Variants in ANK3 observed in about 807,000 individuals in gnomAD.
ANK3 encodes the protein ankyrin 3.
A neutral mutation model predicts 370.9 loss-of-function variants in ANK3; 57 were observed. The observed-to-expected ratio is 0.15, with a 90% CI of 0.12 to 0.19. ANK3 has a LOEUF of 0.19. Among genes scored for constraint, ANK3 ranks in the 10% least tolerant of loss-of-function variants. The pLI, the probability that ANK3 is intolerant of heterozygous loss-of-function variation, is 1.00. For missense variants in ANK3, 4,439 were observed against 5,302.1 expected (o/e 0.84, Z 5.06); for synonymous variants, 1,929 against 1,946.3 (o/e 0.99, Z 0.23).
intron 28 of ANK3, among the ~76,000 whole-genome samples, chr10:60,101,601 T>C (rs1194639756): frequency 1.3e-5 from 2 of 152,186 alleles, no homozygotes; most frequent in Non-Finnish European, 2.9e-5. Context: ...GTTAAAGTTG[T>C]TCTTGTTGCA....
Position 60,198,341 on chromosome 10 carries a change from TTTG to T in ANK3, c.1685_1687del (p.Thr562del). 1 of 1,614,164 alleles carries T rather than the reference TTTG, an allele frequency of 6.2e-7. No homozygotes were observed. The highest frequency in any genetic ancestry group is 8.5e-7 in the Non-Finnish European group (1 of 1,180,006). On this transcript the variant is annotated inframe_deletion and splice_region_variant, in exon 14 of 44. Coordinates refer to ENST00000280772, the MANE Select transcript of ANK3 (RefSeq NM_020987.5). ...GGATTCTGAGATTTGCTTTCATACCTTTGTTGTTATAGATAAAGACGCTCCATG... is the reference window on the plus strand; with the variant it reads ...GGATTCTGAGATTTGCTTTCATACCTTTGTTATAGATAAAGACGCTCCATG...
At chr10:60,554,079 C>A (rs1272302431) in intron 2 of ANK3, among the ~76,000 whole-genome samples, 2 of 152,188 alleles carry the variant, frequency 1.3e-5, no homozygotes, top group Admixed American at 1.3e-4. Flanking sequence ...TCTATTACTT[C>A]TTTGGCTTTT....
At chr10:60,715,977 A>G (rs2079782128) in intron 1 of ANK3, among the ~76,000 whole-genome samples, 1 of 152,208 alleles carries the variant, frequency 6.6e-6, no homozygotes, top group South Asian at 2.1e-4. Context: ...ATGTGTTTCA[A>G]GTGGATGCCT....
At chr10:60,337,430 T>C (rs946594510) in intron 1 of ANK3, among the ~76,000 whole-genome samples, 3 of 152,194 alleles carry the variant, frequency 2.0e-5, no homozygotes, top group African/African-American at 7.2e-5. Context: ...AAACATCACA[T>C]TTTCCCACCA....
rs144288062 is a variant in ANK3, at chr10:60,105,917, C to T, written c.3316G>A (p.Gly1106Ser). ...CCATCATTATTACCTTCATCCATGC[C>T]ATTAAGTAACTCGGTTAAATCTTCA... Reference protein sequence around the residue: ...KNEDLTELLNGMDEELDSPEE... With the variant: ...KNEDLTELLNSMDEELDSPEE... The change falls in exon 28 of 44, where the codon GGC becomes AGC. Residue 1106 changes from glycine to serine, a missense_variant. This residue lies in a region of ANK3 where 702 missense variants were observed against 941.5 expected (regional missense o/e 0.75). Transcript: ENST00000280772. The T allele has an allele frequency of 4.3e-6, 7 of 1,610,148 alleles. No homozygotes were observed. The highest frequency in any genetic ancestry group is 3.3e-4 in the Middle Eastern group (2 of 6,076).
At chr10:60,445,131 A>G (rs1253356274) in intron 2 of ANK3, among the ~76,000 whole-genome samples, 4 of 152,210 alleles carry the variant, frequency 2.6e-5, no homozygotes, top group Non-Finnish European at 5.9e-5. Context: ...AAAAAACGAT[A>G]AAACAGTTCT....
chr10:60,329,716 T>C (rs2050754544), intron 1 of ANK3, among the ~76,000 whole-genome samples: 1 of 152,172 alleles, frequency 6.6e-6, no homozygotes, highest in Admixed American at 6.5e-5. Flanking sequence ...TTGCCCAAAG[T>C]AATTTATAGA....
rs1006320396 is a variant in ANK3, at chr10:60,122,919, A to C, written c.2842-8588T>G. On this transcript the variant is annotated intron_variant, in intron 25 of 43. Coordinates refer to ENST00000280772, the MANE Select transcript of ANK3 (RefSeq NM_020987.5). The stretch of plus-strand genomic sequence containing the variant: ...TGCATCTTATCAATGCCTAGGTCTT[A>C]TTATTGACTCAAAATATTTACATTC... Among the ~76,000 whole-genome samples the C allele has an allele frequency of 2.0e-5, 3 of 152,342 alleles. No individual in the cohort carries two copies. In the East Asian group the frequency reaches 5.8e-4, roughly 29 times the overall value.
At chr10:60,079,405 G>C (rs367691770) in intron 36 of ANK3, among the ~76,000 whole-genome samples, 10 of 152,198 alleles carry the variant, frequency 6.6e-5, no homozygotes, top group African/African-American at 1.9e-4. Flanking sequence ...TTCTCTAATA[G>C]TCAAGGAGCT....
chr10:60,279,680 T>G, intron 1 of ANK3, 41 bp from the exon 2 acceptor site: 1 of 1,465,522 alleles, frequency 6.8e-7, no homozygotes, highest in Non-Finnish European at 9.5e-7. Context: ...AAAATGAAGC[T>G]AATATGCATG....
intron 1 of ANK3, among the ~76,000 whole-genome samples, chr10:60,288,196 G>T (rs182698449): frequency 6.6e-6 from 1 of 151,818 alleles, no homozygotes; most frequent in Admixed American, 6.6e-5. Flanking sequence ...TTCCCTCCCC[G>T]ACCAACAGAC....
intron 2 of ANK3, among the ~76,000 whole-genome samples, chr10:60,501,176 C>T (rs2075786238): frequency 6.6e-6 from 1 of 152,030 alleles, no homozygotes; most frequent in African/African-American, 2.4e-5. Flanking sequence ...TTAAGACAAC[C>T]CAAGGAGGAA....
intron 43 of ANK3, among the ~76,000 whole-genome samples, chr10:60,030,769 T>C (rs1477426630): frequency 6.6e-6 from 1 of 152,192 alleles, no homozygotes; most frequent in South Asian, 2.1e-4. Context: ...GCAATACACC[T>C]TTCTCCTGCA....
rs374196154 is a variant in ANK3, at chr10:60,203,034, G to A, written c.1360C>T (p.His454Tyr). ...GHVNIVSQLM[H>Y]HGASPNTTNV... ...GTGGTGTTTGGTGAGGCTCCATGAT[G>A]CATTAGTTGTGATACAATATTTACA... The change falls in exon 12 of 44, where the codon CAT (histidine) becomes TAT (tyrosine). Residue 454 changes from histidine (H) to tyrosine (Y), a missense_variant. Around this residue, in one of 13 missense-constraint regions of ANK3, gnomAD observed 227 missense variants for 377.6 expected, o/e 0.60. Coordinates refer to ENST00000280772, the MANE Select transcript of ANK3 (RefSeq NM_020987.5). The A allele has an allele frequency of 3.1e-6, 5 of 1,613,088 alleles. No homozygotes were observed. The highest frequency in any genetic ancestry group is 4.2e-6 in the Non-Finnish European group (5 of 1,179,358).
At chr10:60,343,805 C>G (rs549824195) in intron 1 of ANK3, among the ~76,000 whole-genome samples, 10 of 152,302 alleles carry the variant, frequency 6.6e-5, no homozygotes, top group Admixed American at 6.5e-4. Flanking sequence ...TGACAGTCAC[C>G]TGGAGGGCTT....
Position 60,074,527 on chromosome 10 carries a change from G to T in ANK3, c.6354C>A (p.His2118Gln). ...CAGACAAGGGACTTTTATCTTGGTC[G>T]TGTTGAGAAAAGTCATCAGGAGACT... is the stretch of plus-strand genomic sequence containing the variant. ...ILESPDDFSQ[H>Q]DQDKSPLSDS... The change falls in exon 37 of 44, where the codon CAC becomes CAA. Residue 2118 changes from histidine to glutamine, a missense_variant. His to Gln is a conservative substitution (Grantham distance 24). Around this residue, in one of 13 missense-constraint regions of ANK3, gnomAD observed 679 missense variants for 791.0 expected, o/e 0.86. Coordinates refer to ENST00000280772, the MANE Select transcript of ANK3 (RefSeq NM_020987.5). 4 of 1,613,722 alleles carry T rather than the reference G, an allele frequency of 2.5e-6. No homozygotes were observed. Among genetic ancestry groups the T allele is most frequent in the East Asian group, 2.2e-5 (1 of 44,874 alleles).
At chr10:60,520,314 T>A (rs2076319424) in intron 2 of ANK3, among the ~76,000 whole-genome samples, 1 of 152,106 alleles carries the variant, frequency 6.6e-6, no homozygotes, top group Non-Finnish European at 1.5e-5. Context: ...AAACTACTTA[T>A]TGAGTACTAT....
At position 60,086,827 on chromosome 10, in the gene ANK3, T is replaced by C. The variant is rs1183037503; in HGVS notation, c.3598A>G (p.Ser1200Gly). ...CTTGGTTCCACAGTGACAATTGGGCTAAAAGTTGCTTTGTTTCCAAGGATC... is the reference window on the plus strand; with the variant it reads ...CTTGGTTCCACAGTGACAATTGGGCCAAAAGTTGCTTTGTTTCCAAGGATC... ...KKILGNKATF[S>G]PIVTVEPRRR... The change falls in exon 30 of 44, where the codon AGC becomes GGC. Residue 1200 changes from serine to glycine, a missense_variant. Ser to Gly is a moderately conservative substitution (Grantham distance 56). Transcript: ENST00000280772. The C allele has an allele frequency of 6.2e-7, 1 of 1,614,024 alleles. No homozygotes were observed. The highest frequency in any genetic ancestry group is 1.7e-5 in the Admixed American group (1 of 60,008).
intron 1 of ANK3, among the ~76,000 whole-genome samples, chr10:60,340,329 A>G (rs1182167599): frequency 6.6e-6 from 1 of 152,162 alleles, no homozygotes; most frequent in Non-Finnish European, 1.5e-5. Context: ...GAACTACTGG[A>G]GTCAGGCAAT....
Sources: allele counts gnomAD v4.1 joint callset (sites outside exome capture counted in the v4.1 genomes callset), GRCh38; gene constraint gnomAD v4.1.1; regional missense constraint gnomAD v4.1.1; transcripts MANE v1.5; gene names NCBI Gene and HGNC (gene_info 2026-07-23, HGNC 2026-07-21).